TXNDC12: variants seen among roughly 807,000 people sequenced by gnomAD.
TXNDC12 encodes the protein thioredoxin domain-containing protein 12.
TXNDC12 carries 22 observed loss-of-function variants against 24.2 expected under a neutral mutation model. The ratio of observed to expected loss-of-function variants is 0.91; its 90% CI spans 0.65 to 1.30. The LOEUF (loss-of-function observed/expected upper bound fraction) is 1.30. Ranked by LOEUF, TXNDC12 falls within the 50% of genes most tolerant of loss-of-function variation. TXNDC12 has a pLI of 0.00. For missense variants in TXNDC12, 184 were observed against 205.8 expected (o/e 0.89, Z 0.65); for synonymous variants, 58 against 73.4 (o/e 0.79, Z 1.07).
chr1:52,042,371 A>C (rs1303360607), intron 1 of TXNDC12, among the ~76,000 whole-genome samples: 1 of 152,162 alleles, frequency 6.6e-6, no homozygotes, highest in Non-Finnish European at 1.5e-5. Flanking sequence ...GGGTTTACAA[A>C]GCCTTTCAGA....
chr1:52,029,472 G>A (rs1371470366), intron 2 of TXNDC12, among the ~76,000 whole-genome samples: 1 of 152,132 alleles, frequency 6.6e-6, no homozygotes, highest in Non-Finnish European at 1.5e-5. Context: ...AAGCTCTCAA[G>A]GCTCAAATGA....
rs751609218 is a variant in TXNDC12 at position 52,027,361 on chromosome 1, A to G, written c.212-13T>C. On this transcript the variant is annotated splice_polypyrimidine_tract_variant and intron_variant, in intron 3 of 6. Transcript: ENST00000371626. ...TTGGGCTTTAGAGCTGGGGGGAAAA[A>G]GATTTTGGAATAGAAGAAAAAACAT... is the stretch of plus-strand genomic sequence containing the variant. 21 of 1,592,202 alleles carry G rather than the reference A, an allele frequency of 1.3e-5. No individual in the cohort carries two copies. Among genetic ancestry groups the G allele is most frequent in the Middle Eastern group, 1.7e-4 (1 of 6,026 alleles).
intron 2 of TXNDC12, chr1:52,033,809 T>A: frequency 6.6e-7 from 1 of 1,507,186 alleles, no homozygotes; most frequent in African/African-American, 1.4e-5. Flanking sequence ...AACTTCCGGG[T>A]TGTACGCGTC....
intron 2 of TXNDC12, among the ~76,000 whole-genome samples, chr1:52,029,542 G>A (rs1357145115): frequency 6.6e-6 from 1 of 152,108 alleles, no homozygotes; most frequent in Non-Finnish European, 1.5e-5. Flanking sequence ...ACAACCCCAT[G>A]TCACCATAAC....
chr1:52,041,665 G>T, intron 1 of TXNDC12, 68 bp from the exon 2 acceptor site: 2 of 1,108,854 alleles, frequency 1.8e-6, no homozygotes, highest in Non-Finnish European at 1.3e-6. Context: ...AAGGAAGTGT[G>T]CATGTTCACA....
At chr1:52,050,445 A>G (rs2124394366) in intron 1 of TXNDC12, among the ~76,000 whole-genome samples, 1 of 152,362 alleles carries the variant, frequency 6.6e-6, no homozygotes, top group African/African-American at 2.4e-5. Flanking sequence ...TTTTTAAAAA[A>G]GAAAAGCAAC....
rs141460821 is a variant in TXNDC12, at chr1:52,033,386, G to A, written c.159-4756C>T. 3 of 1,613,456 alleles carry A rather than the reference G, an allele frequency of 1.9e-6. No homozygotes were observed. In the South Asian group the frequency reaches 3.3e-5, roughly 18 times the overall value. On this transcript the variant is annotated intron_variant, in intron 2 of 6. Transcript: ENST00000371626. ...CAACTCACACTGACGTTCCGGCCAG[G>A]GTTCTCGTTCGCGCCCGCCACCTGA...
intron 1 of TXNDC12, among the ~76,000 whole-genome samples, chr1:52,042,583 C>A (rs1246871355): frequency 6.6e-6 from 1 of 151,948 alleles, no homozygotes; most frequent in Non-Finnish European, 1.5e-5. Flanking sequence ...GCCTCAGCCT[C>A]CTGAGTAGCT....
chr1:52,026,588 T>C (rs1373349793), intron 4 of TXNDC12, among the ~76,000 whole-genome samples: 2 of 152,134 alleles, frequency 1.3e-5, no homozygotes, highest in African/African-American at 4.8e-5. Flanking sequence ...AAACTAAGGA[T>C]AAAAGGACCT....
Position 52,049,498 on chromosome 1 carries a change from A to C in TXNDC12, c.97+5502T>G, listed in dbSNP as rs183808826. 3.3e-5 allele frequency among the ~76,000 whole-genome samples: 5 copies of C among 152,272 alleles called. No homozygotes were observed. In the East Asian group the frequency reaches 7.7e-4, roughly 23 times the overall value. On this transcript the variant is annotated intron_variant, in intron 1 of 6. Transcript: ENST00000371626. ...CTACTTGGGAGGCTGAGGCAAGAGA[A>C]TCGCTTGAACCCAGGAGGGGAAGGT...
In TXNDC12 at chr1:52,054,217, A is replaced by G. The variant is rs1047996908; in HGVS notation, c.97+783T>C. Among the ~76,000 whole-genome samples the G allele has an allele frequency of 3.1e-3, 247 of 80,182 alleles. 4 individuals are homozygous for G. Among genetic ancestry groups the G allele is most frequent in the Non-Finnish European group, 2.0e-3 (58 of 29,010 alleles). 52.6% of individuals were successfully genotyped at this position (80,182 alleles called of 152,430 possible). A position where few individuals can be genotyped will look rare whatever the true frequency, so the allele number is the denominator to read the frequency against. ...ATCATTCCATACAGTAAGGTCAGTG[A>G]AAAAAAAAAAAGGAAGAGGGGTTGG... is the stretch of plus-strand genomic sequence containing the variant. On this transcript the variant is annotated intron_variant, in intron 1 of 6. Coordinates refer to ENST00000371626, the MANE Select transcript of TXNDC12 (RefSeq NM_015913.4).
Position 52,048,500 on chromosome 1 carries a change from A to G in TXNDC12, c.97+6500T>C, listed in dbSNP as rs143824013. Among the ~76,000 whole-genome samples, 64 of 151,914 alleles carry G rather than the reference A, an allele frequency of 4.2e-4. 1 individual carries two copies. The East Asian group carries it at 0.012, about 29-fold the overall frequency. On this transcript the variant is annotated intron_variant, in intron 1 of 6. Coordinates refer to ENST00000371626, the MANE Select transcript of TXNDC12 (RefSeq NM_015913.4). ...AAAAAAAAAAAAAAAAAGCATGCCT[A>G]AAACAGAAGGACTTACAGAAGTCCA...
chr1:52,025,226 T>C (rs1393499621), intron 4 of TXNDC12, among the ~76,000 whole-genome samples: 3 of 152,048 alleles, frequency 2.0e-5, no homozygotes, highest in African/African-American at 7.2e-5. Context: ...GTTTTCTTTT[T>C]TTTTTTTTTT....
chr1:52,047,199 G>C (rs906832296), intron 1 of TXNDC12, among the ~76,000 whole-genome samples: 4 of 152,196 alleles, frequency 2.6e-5, no homozygotes, highest in Non-Finnish European at 5.9e-5. Flanking sequence ...CACTCAAGTA[G>C]AGGGATTAGC....
Position 52,033,510 on chromosome 1 carries a change from G to C in TXNDC12, c.159-4880C>G, listed in dbSNP as rs568213083. Reference sequence around the variant, plus strand: ...AGTAGAGCTCGTAACGGAAACCTTTGATGTAGTTAAGCGAGTCCAGGATGA... The same window carrying C: ...AGTAGAGCTCGTAACGGAAACCTTTCATGTAGTTAAGCGAGTCCAGGATGA... On this transcript the variant is annotated intron_variant, in intron 2 of 6. Transcript: ENST00000371626. 6 of 1,613,944 alleles carry C rather than the reference G, an allele frequency of 3.7e-6. No individual in the cohort carries two copies. The South Asian group carries it at 6.6e-5, about 18-fold the overall frequency.
At chr1:52,033,464 T>C (rs1359898672) in intron 2 of TXNDC12, 2 of 1,612,894 alleles carry the variant, frequency 1.2e-6, no homozygotes, top group Admixed American at 1.7e-5. Context: ...CAGAGCGGGG[T>C]GCGCGCCGCC....
chr1:52,051,713 C>A (rs1686209038), intron 1 of TXNDC12: 1 of 169,232 alleles, frequency 5.9e-6, no homozygotes, highest in Non-Finnish European at 1.5e-5. Flanking sequence ...GCTAAGTCCA[C>A]ATCACTGTGC....
At chr1:52,033,091 C>T in intron 2 of TXNDC12, 4 of 1,610,120 alleles carry the variant, frequency 2.5e-6, no homozygotes, top group Non-Finnish European at 3.4e-6. Context: ...CCGGTCCCAG[C>T]GATTCCGAGA....
chr1:52,030,541 C>T (rs1372676450), intron 2 of TXNDC12: 1 of 152,194 alleles, frequency 6.6e-6, no homozygotes, highest in Non-Finnish European at 1.5e-5. Context: ...CCATTTCACA[C>T]ATGAATCCTG....
Sources: gnomAD v4.1 joint callset for allele counts (sites outside exome capture counted in the v4.1 genomes callset) on GRCh38, gnomAD v4.1.1 for gene constraint, MANE v1.5 for transcripts, NCBI Gene and HGNC (gene_info 2026-07-23, HGNC 2026-07-21) for gene names.